WWTR1: variants seen among roughly 807,000 people sequenced by gnomAD.
WWTR1 encodes the protein WW domain containing transcription regulator 1.
Under a neutral mutation model 40.1 loss-of-function variants are expected in WWTR1, and 13 were observed. That is an observed-to-expected ratio of 0.32 (90% CI 0.21 to 0.52). The LOEUF is 0.52. WWTR1 is among the 20% of genes least tolerant of loss of function. The pLI, the probability that WWTR1 is intolerant of heterozygous loss-of-function variation, is 0.97. For missense variants in WWTR1, 436 were observed against 523.1 expected, an observed-to-expected ratio of 0.83 and a Z score of 1.63; for synonymous variants, 230 against 210.1, an observed-to-expected ratio of 1.09 and a Z score of -0.82.
chr3:149,617,304 C>T (rs1220136824), intron 2 of WWTR1, among the ~76,000 whole-genome samples: 1 of 152,060 alleles, frequency 6.6e-6, no homozygotes, highest in East Asian at 1.9e-4. Flanking sequence ...GTGTGCAATC[C>T]GTCTTCTCTT....
intron 4 of WWTR1, among the ~76,000 whole-genome samples, chr3:149,539,487 C>A (rs547065712): frequency 1.2e-4 from 19 of 152,292 alleles, no homozygotes; most frequent in African/African-American, 4.1e-4. Context: ...AGAAGACAGG[C>A]TGTACAATTA....
At chr3:149,707,188 A>G (rs187543710), upstream of WWTR1, among the ~76,000 whole-genome samples, 2 of 152,298 alleles carry the variant, frequency 1.3e-5, no homozygotes, top group African/African-American at 4.8e-5. Context: ...TGTAGAGGAT[A>G]AAAAAGAACT....
At chr3:149,605,061 G>A (rs1046855339) in intron 2 of WWTR1, among the ~76,000 whole-genome samples, 1 of 152,186 alleles carries the variant, frequency 6.6e-6, no homozygotes, top group Non-Finnish European at 1.5e-5. Context: ...AGAAGGAGCA[G>A]CACTAAAGGT....
intron 2 of WWTR1, chr3:149,576,293 T>C (rs1737876069): frequency 2.9e-6 from 1 of 345,094 alleles, no homozygotes; most frequent in Admixed American, 3.8e-5. Context: ...TCTCCTATTG[T>C]TCTAATCACT....
rs1407174956 is a variant in WWTR1 at position 149,517,969 on chromosome 3, GTTATC to G, written c.*2831_*2835del. On this transcript the variant is annotated 3_prime_UTR_variant, in exon 7 of 7. Transcript: ENST00000360632. ...ACTAGTACTAAGAAGACTAAAGACAGTTATCTTATAATAAGAAATATAGTATAAAT... is the reference window on the plus strand; with the variant it reads ...ACTAGTACTAAGAAGACTAAAGACAGTTATAATAAGAAATATAGTATAAAT... The G allele has an allele frequency of 7.9e-5, 12 of 152,040 alleles. No individual in the cohort carries two copies. Among genetic ancestry groups the G allele is most frequent in the African/African-American group, 2.7e-4 (11 of 41,404 alleles). The allele number at this position is 152,040 out of a possible 1,614,324, so 9.4% of individuals were successfully genotyped here.
chr3:149,619,313 T>C (rs1207268654), intron 2 of WWTR1, among the ~76,000 whole-genome samples: 1 of 152,094 alleles, frequency 6.6e-6, no homozygotes, highest in African/African-American at 2.4e-5. Flanking sequence ...GCAGTGTTTG[T>C]CAGTAGTATT....
At chr3:149,556,723 C>G (rs1432399567) in intron 3 of WWTR1, among the ~76,000 whole-genome samples, 1 of 152,136 alleles carries the variant, frequency 6.6e-6, no homozygotes, top group Non-Finnish European at 1.5e-5. Flanking sequence ...GATGGGGGAA[C>G]AGACAGAAAC....
Position 149,656,876 on chromosome 3 carries a change from T to A in WWTR1, c.431A>T (p.Asn144Ile). The change falls in exon 2 of 7, where the codon AAT becomes ATT. Residue 144 changes from asparagine (N) to isoleucine (I), a missense_variant and splice_region_variant. Coordinates refer to ENST00000360632, the MANE Select transcript of WWTR1 (RefSeq NM_015472.6). Reference protein sequence around the residue: ...FTATGQRYFLNHIEKITTWQD... With the variant: ...FTATGQRYFLIHIEKITTWQD... ...CTTCTTCGGCTCCAGGCTGACTTAC[T>A]TGAGGAAGTACCTCTGGCCAGTGGC... The A allele has an allele frequency of 6.6e-7, 1 of 1,513,934 alleles. No homozygotes were observed. Among genetic ancestry groups the A allele is most frequent in the Non-Finnish European group, 8.8e-7 (1 of 1,139,052 alleles). The allele number at this position is 1,513,934 out of a possible 1,614,324, so 93.8% of individuals were successfully genotyped here.
At chr3:149,638,717 T>C (rs1052000777) in intron 2 of WWTR1, among the ~76,000 whole-genome samples, 4 of 152,146 alleles carry the variant, frequency 2.6e-5, no homozygotes, top group African/African-American at 7.2e-5. Flanking sequence ...ATTGCTTCCA[T>C]ACAATTTATA....
intron 2 of WWTR1, among the ~76,000 whole-genome samples, chr3:149,655,526 G>A (rs1713158846): frequency 6.6e-6 from 1 of 152,216 alleles, no homozygotes. Context: ...CTACTTAGAA[G>A]TCAAAGGACT....
intron 2 of WWTR1, among the ~76,000 whole-genome samples, chr3:149,638,833 C>A (rs1239312673): frequency 2.0e-5 from 3 of 152,184 alleles, no homozygotes; most frequent in African/African-American, 7.2e-5. Context: ...ATGGGTAAGG[C>A]TCAGCCGGCC....
chr3:149,614,495 T>G (rs934811949), intron 2 of WWTR1, among the ~76,000 whole-genome samples: 5 of 152,182 alleles, frequency 3.3e-5, no homozygotes, highest in African/African-American at 1.2e-4. Flanking sequence ...AATGATGCCC[T>G]TCTCAGAACA....
intron 2 of WWTR1, among the ~76,000 whole-genome samples, chr3:149,587,877 C>G (rs1250930592): frequency 6.6e-6 from 1 of 152,124 alleles, no homozygotes; most frequent in East Asian, 1.9e-4. Context: ...ACAAAAGAAC[C>G]TGAAAACTTA....
chr3:149,708,017 C>T (rs1024582121), upstream of WWTR1, among the ~76,000 whole-genome samples: 3 of 151,908 alleles, frequency 2.0e-5, no homozygotes, highest in African/African-American at 7.3e-5. Context: ...TGCCCTCTCT[C>T]GTCTAATCAA....
intron 2 of WWTR1, among the ~76,000 whole-genome samples, chr3:149,641,592 A>G (rs1178826423): frequency 6.6e-6 from 1 of 152,240 alleles, no homozygotes; most frequent in Non-Finnish European, 1.5e-5. Flanking sequence ...ACTACGGCTA[A>G]TAATTACAAA....
upstream of WWTR1, among the ~76,000 whole-genome samples, chr3:149,704,113 G>A (rs958174558): frequency 6.6e-6 from 1 of 152,054 alleles, no homozygotes; most frequent in Non-Finnish European, 1.5e-5. Flanking sequence ...AAAATGCTGA[G>A]ATCACAGGCA....
intron 2 of WWTR1, among the ~76,000 whole-genome samples, chr3:149,650,801 T>C (rs1712822702): frequency 6.6e-6 from 1 of 152,234 alleles, no homozygotes; most frequent in South Asian, 2.1e-4. Context: ...AGCATTCCTA[T>C]TTAGGTTTCT....
chr3:149,689,747 T>C (rs1029245331), intron 1 of WWTR1, among the ~76,000 whole-genome samples: 1 of 152,168 alleles, frequency 6.6e-6, no homozygotes, highest in Non-Finnish European at 1.5e-5. Flanking sequence ...AGGGAATTAA[T>C]GAGCAATAAG....
chr3:149,630,593 GC>G (rs1331106910), intron 2 of WWTR1, among the ~76,000 whole-genome samples: 1 of 152,162 alleles, frequency 6.6e-6, no homozygotes, highest in Non-Finnish European at 1.5e-5. Flanking sequence ...TTCATGTGAG[GC>G]CCCAGTCACC....
Sources: allele counts gnomAD v4.1 joint callset (sites outside exome capture counted in the v4.1 genomes callset), GRCh38; gene constraint gnomAD v4.1.1; transcripts MANE v1.5; gene names NCBI Gene and HGNC (gene_info 2026-07-23, HGNC 2026-07-21).